NR0B1: variants seen among roughly 807,000 people sequenced by gnomAD.
NR0B1 encodes the protein DSS-AHC critical region on the X chromosome protein 1.
In NR0B1, 3 loss-of-function variants were observed where a neutral mutation model predicts 23.0. The ratio of observed to expected loss-of-function variants is 0.13; its 90% confidence interval spans 0.06 to 0.34. The LOEUF is 0.34. Ranked by LOEUF, NR0B1 falls within the 10% of genes least tolerant of loss-of-function variation. The pLI is 1.00. For missense variants in NR0B1, 350 were observed against 402.9 expected, an observed-to-expected ratio of 0.87 and a Z score of 1.12; for synonymous variants, 205 against 184.0, an observed-to-expected ratio of 1.11 and a Z score of -0.92.
At chrX:30,306,874 T>C (rs1426045942) in intron 1 of NR0B1, among the ~76,000 whole-genome samples, 2 of 111,270 alleles carry the variant, frequency 1.8e-5, no homozygotes, top group African/African-American at 6.6e-5. Context: ...GGCAGGAGCC[T>C]AGAAAGACTT....
In NR0B1 at chrX:30,304,358, A is replaced by C. The variant is rs977910050; in HGVS notation, c.*221T>G. 1 of 384,715 alleles carries C rather than the reference A, an allele frequency of 2.6e-6. No homozygotes were observed. The highest frequency in any genetic ancestry group is 4.5e-6 in the Non-Finnish European group (1 of 222,154). 31.7% of individuals were successfully genotyped at this position (384,715 alleles called of 1,213,427 possible). A position where few individuals can be genotyped will look rare whatever the true frequency, so the allele number is the denominator to read the frequency against. On this transcript the variant is annotated 3_prime_UTR_variant, in exon 2 of 2. Coordinates refer to ENST00000378970, the MANE Select transcript of NR0B1 (RefSeq NM_000475.5). ...GCTATTTTTTTTTTAAAAGATGTAC[A>C]GAGCTATGCTACCTGTTGGCAAATG... is the stretch of plus-strand genomic sequence containing the variant.
At position 30,308,757 on chromosome X, in the gene NR0B1, C is replaced by T. The variant is rs1361268108; in HGVS notation, c.607G>A (p.Gly203Ser). Residue 203 changes from glycine to serine, a missense_variant, in exon 1 of 2, where the codon GGT becomes AGT. By Grantham distance (56) the Gly-to-Ser change is moderately conservative. Transcript: ENST00000378970. Reference sequence around the variant, plus strand: ...CTGCCCTGCTGCGGGTGGTCTTCACCGCAAAAGCAGCAGCGGTACAGAAGC... The same window carrying T: ...CTGCCCTGCTGCGGGTGGTCTTCACTGCAAAAGCAGCAGCGGTACAGAAGC... Reference protein sequence around the residue: ...TALLYRCCFCGEDHPQQGSTL... With the variant: ...TALLYRCCFCSEDHPQQGSTL... 1.7e-5 allele frequency: 20 copies of T among 1,195,743 alleles called. No individual in the cohort carries two copies. The highest frequency in any genetic ancestry group is 2.3e-5 in the Non-Finnish European group (20 of 888,304).
chrX:30,306,360 C>T (rs992818008), intron 1 of NR0B1, among the ~76,000 whole-genome samples: 1 of 111,405 alleles, frequency 9.0e-6, no homozygotes, highest in African/African-American at 3.3e-5. Flanking sequence ...ATGGACTCCA[C>T]AGTTTTATAT....
Position 30,308,648 on chromosome X carries a change from G to T in NR0B1, c.716C>A (p.Ser239Tyr). The T allele has an allele frequency of 8.3e-7, 1 of 1,206,414 alleles. No homozygotes were observed. Among genetic ancestry groups the T allele is most frequent in the Non-Finnish European group, 1.1e-6 (1 of 893,502 alleles). The change falls in exon 1 of 2, where the codon TCC becomes TAC. Residue 239 changes from serine (S) to tyrosine (Y), a missense_variant. Physicochemically the swap from Ser to Tyr is moderately radical, Grantham distance 144 (BLOSUM62 -2). Transcript: ENST00000378970. ...ERPRAPWWDT[S>Y]SGALRPVALK... ...CGCCACCGGCCGCAGCGCACCAGAG[G>T]AGGTGTCCCACCAGGGGGCCCTCGG...
At chrX:30,307,058 T>G (rs926575525) in intron 1 of NR0B1, among the ~76,000 whole-genome samples, 1 of 111,676 alleles carries the variant, frequency 9.0e-6, no homozygotes, top group Admixed American at 9.5e-5. Context: ...CACCAAATAC[T>G]GATCTATGCA....
At chrX:30,307,121 A>AG (rs767345419) in intron 1 of NR0B1, among the ~76,000 whole-genome samples, 1 of 112,126 alleles carries the variant, frequency 8.9e-6, no homozygotes, top group Non-Finnish European at 1.9e-5. Context: ...TTCCAGCACC[A>AG]GGGAAAAAAG....
chrX:30,306,277 C>T (rs897567530), intron 1 of NR0B1, among the ~76,000 whole-genome samples: 1 of 111,412 alleles, frequency 9.0e-6, no homozygotes, highest in Admixed American at 9.6e-5. Context: ...CTTCTCCCCA[C>T]CCAAGTGGTT....
At position 30,304,231 on chromosome X, in the gene NR0B1, T is replaced by G. The variant is rs1476544032; in HGVS notation, c.*348A>C. ...AAGCTTTTTTCAATCAAGTTAATAGTTAAGACCTTAAAATTTATTATAACA... is the reference window on the plus strand; with the variant it reads ...AAGCTTTTTTCAATCAAGTTAATAGGTAAGACCTTAAAATTTATTATAACA... On this transcript the variant is annotated 3_prime_UTR_variant, in exon 2 of 2. Coordinates refer to ENST00000378970, the MANE Select transcript of NR0B1 (RefSeq NM_000475.5). The G allele has an allele frequency of 1.2e-5, 2 of 173,005 alleles. No homozygotes were observed. The highest frequency in any genetic ancestry group is 2.2e-5 in the Non-Finnish European group (2 of 92,609). 14.3% of individuals were successfully genotyped at this position (173,005 alleles called of 1,213,427 possible).
Position 30,306,351 on chromosome X carries a change from T to C in NR0B1, c.1169-1528A>G, listed in dbSNP as rs772512339. Among the ~76,000 whole-genome samples the C allele has an allele frequency of 2.9e-4, 32 of 111,248 alleles. No homozygotes were observed. In the South Asian group the frequency reaches 3.5e-3, roughly 12 times the overall value. On this transcript the variant is annotated intron_variant, in intron 1 of 1. Transcript: ENST00000378970. ...AAGGTCAGGGAAGAGAAAATGCAAATGGACTCCACAGTTTTATATCTCCTT... is the reference window on the plus strand; with the variant it reads ...AAGGTCAGGGAAGAGAAAATGCAAACGGACTCCACAGTTTTATATCTCCTT...
In NR0B1 at chrX:30,309,154, A is replaced by G. The variant is rs1439219165; in HGVS notation, c.210T>C (p.Gly70=). Residue 70 remains glycine (G), a synonymous_variant, in exon 1 of 2, where the codon GGT becomes GGC. Transcript: ENST00000378970. ...VALLYRCCFC[G]KDHPRQGSIL... is the part of the protein sequence containing the mutation. Reference sequence around the variant, plus strand: ...TGCTGCCCTGCCGTGGGTGGTCTTTACCGCAAAAGCAGCAGCGGTACAGGA... The same window carrying G: ...TGCTGCCCTGCCGTGGGTGGTCTTTGCCGCAAAAGCAGCAGCGGTACAGGA... The G allele has an allele frequency of 8.4e-7, 1 of 1,191,263 alleles. No individual in the cohort carries two copies. Among genetic ancestry groups the G allele is most frequent in the African/African-American group, 1.9e-5 (1 of 53,897 alleles).
Position 30,308,674 on chromosome X carries a change from C to G in NR0B1, c.690G>C (p.Arg230=). 2 of 1,201,153 alleles carry G rather than the reference C, an allele frequency of 1.7e-6. No individual in the cohort carries two copies. The highest frequency in any genetic ancestry group is 1.8e-5 in the South Asian group (1 of 55,425). The change falls in exon 1 of 2, where the codon CGG becomes CGC. Residue 230 remains arginine, a synonymous_variant. Coordinates refer to ENST00000378970, the MANE Select transcript of NR0B1 (RefSeq NM_000475.5). The stretch of plus-strand genomic sequence containing the variant: ...AGGTGTCCCACCAGGGGGCCCTCGG[C>G]CGCTCCTCCGGAGCCGCCTGCGCTT... ...TNQAQAAPEE[R]PRAPWWDTSS...
chrX:30,304,554 C>T lies in NR0B1; in HGVS notation c.*25G>A. On this transcript the variant is annotated 3_prime_UTR_variant, in exon 2 of 2. Transcript: ENST00000378970. ...TCTTCCCTCATGGTGAACTGCACTA[C>T]TGCACTTGTGTGGCCCACATGACTT... is the stretch of plus-strand genomic sequence containing the variant. The T allele has an allele frequency of 4.1e-6, 5 of 1,208,137 alleles. No homozygotes were observed. The highest frequency in any genetic ancestry group is 5.6e-6 in the Non-Finnish European group (5 of 892,323).
At position 30,309,358 on chromosome X, in the gene NR0B1, C is replaced by G. The variant is rs771073940; in HGVS notation, c.6G>C (p.Ala2=). M[A]GENHQWQGSI... ...TGCCCTGCCACTGGTGGTTCTCGCC[C>G]GCCATGGCCCGCGGCGCCCGTAGCC... Residue 2 remains alanine (A), a synonymous_variant, in exon 1 of 2, where the codon GCG becomes GCC. Coordinates refer to ENST00000378970, the MANE Select transcript of NR0B1 (RefSeq NM_000475.5). The G allele has an allele frequency of 8.4e-7, 1 of 1,197,223 alleles. No homozygotes were observed. Among genetic ancestry groups the G allele is most frequent in the East Asian group, 3.0e-5 (1 of 33,619 alleles).
rs1324519932 is a variant in NR0B1 at position 30,308,445 on chromosome X, C to G, written c.919G>C (p.Glu307Gln). ...CTGGGCTCCGAGACTTCCACAGTCT[C>G]GAACTGCAAGCGGTCCTGGGCCAGC... ...LELAQDRLQFETVEVSEPSML... is the reference protein window; with the variant it reads ...LELAQDRLQFQTVEVSEPSML... The change falls in exon 1 of 2, where the codon GAG becomes CAG. Residue 307 changes from glutamate to glutamine, a missense_variant. Around this residue, in one of 2 missense-constraint regions of NR0B1, gnomAD observed 298 missense variants for 314.0 expected, o/e 0.95. Transcript: ENST00000378970. The G allele has an allele frequency of 2.5e-6, 3 of 1,199,316 alleles. No individual in the cohort carries two copies. The highest frequency in any genetic ancestry group is 3.6e-5 in the South Asian group (2 of 55,516).
In NR0B1 at chrX:30,308,695, C is replaced by A; in HGVS notation, c.669G>T (p.Ala223=). ...LYCVPTSTNQ[A]QAAPEERPRA... The stretch of plus-strand genomic sequence containing the variant: ...TCGGCCGCTCCTCCGGAGCCGCCTG[C>A]GCTTGATTTGTGCTCGTGGGCACGC... Residue 223 remains alanine (A), a synonymous_variant, in exon 1 of 2, where the codon GCG becomes GCT. Transcript: ENST00000378970. The A allele has an allele frequency of 8.3e-7, 1 of 1,200,411 alleles. No homozygotes were observed. The highest frequency in any genetic ancestry group is 1.1e-6 in the Non-Finnish European group (1 of 890,346).
chrX:30,306,293 C>A (rs993179084), intron 1 of NR0B1, among the ~76,000 whole-genome samples: 1 of 111,335 alleles, frequency 9.0e-6, no homozygotes, highest in Middle Eastern at 4.7e-3. Context: ...TGGTTCCCCC[C>A]CACACAGAGA....
intron 1 of NR0B1, among the ~76,000 whole-genome samples, chrX:30,306,888 T>C (rs1460152832): frequency 6.3e-5 from 7 of 111,448 alleles, no homozygotes; most frequent in Admixed American, 5.7e-4. Flanking sequence ...AAGACTTTTA[T>C]CTACTCCCTC....
At chrX:30,305,049 G>A (rs1926496033) in intron 1 of NR0B1, among the ~76,000 whole-genome samples, 1 of 112,570 alleles carries the variant, frequency 8.9e-6, no homozygotes, top group Non-Finnish European at 1.9e-5. Flanking sequence ...GCACACGTTT[G>A]CAAATACACT....
Position 30,304,444 on chromosome X carries a change from T to C in NR0B1, c.*135A>G, listed in dbSNP as rs757562464. Reference sequence around the variant, plus strand: ...GTCTGGAATAAAATTATTTCTTTAATTGAATACAAAAATACTCTGCATGTA... The same window carrying C: ...GTCTGGAATAAAATTATTTCTTTAACTGAATACAAAAATACTCTGCATGTA... On this transcript the variant is annotated 3_prime_UTR_variant, in exon 2 of 2. Coordinates refer to ENST00000378970, the MANE Select transcript of NR0B1 (RefSeq NM_000475.5). The C allele has an allele frequency of 3.6e-4, 257 of 717,414 alleles. 1 individual carries two copies. Among genetic ancestry groups the C allele is most frequent in the Non-Finnish European group, 4.6e-4 (227 of 491,563 alleles). The allele number at this position is 717,414 out of a possible 1,213,427, so 59.1% of individuals were successfully genotyped here. A position where few individuals can be genotyped will look rare whatever the true frequency, so the allele number is the denominator to read the frequency against.
Sources: gnomAD v4.1 joint callset for allele counts (sites outside exome capture counted in the v4.1 genomes callset) on GRCh38, gnomAD v4.1.1 for gene constraint, gnomAD v4.1.1 regional missense constraint, MANE v1.5 for transcripts, NCBI Gene and HGNC (gene_info 2026-07-23, HGNC 2026-07-21) for gene names.